CFH: variants seen among roughly 807,000 people sequenced by gnomAD.
CFH encodes the protein complement factor H, also known as H factor 1 (complement).
In CFH, 53 loss-of-function variants were observed where a neutral mutation model predicts 147.3. The ratio of observed to expected loss-of-function variants is 0.36; its 90% confidence interval spans 0.29 to 0.45. The LOEUF (loss-of-function observed/expected upper bound fraction) is 0.45, where lower values mean the gene tolerates loss of function less well. Among genes scored for constraint, CFH ranks in the 20% least tolerant of loss-of-function variants. The pLI is 1.00. For synonymous variants in CFH, 536 were observed against 489.4 expected (o/e 1.10, Z -1.26); for missense variants, 1,380 against 1,498.0 (o/e 0.92, Z 1.30).
intron 10 of CFH, among the ~76,000 whole-genome samples, chr1:196,715,191 T>A (rs1668839758): frequency 6.6e-6 from 1 of 152,056 alleles, no homozygotes. Context: ...ATATTTTCAG[T>A]CTTTTTCTCC....
At chr1:196,666,370 T>C (rs1019086374) in intron 1 of CFH, among the ~76,000 whole-genome samples, 1 of 151,664 alleles carries the variant, frequency 6.6e-6, no homozygotes, top group African/African-American at 2.4e-5. Flanking sequence ...TCGAGTTATA[T>C]TTTTTTCTCT....
At chr1:196,713,660 T>G in intron 9 of CFH, 75 bp from the exon 10 acceptor site, 3 of 951,902 alleles carry the variant, frequency 3.2e-6, no homozygotes, top group Non-Finnish European at 4.8e-6. Context: ...ATTTTTTATA[T>G]TTACATATTA....
At chr1:196,685,587 A>G (rs998016330) in intron 7 of CFH, among the ~76,000 whole-genome samples, 1 of 152,100 alleles carries the variant, frequency 6.6e-6, no homozygotes, top group East Asian at 1.9e-4. Context: ...ACTAACCTTT[A>G]TTATCTTACA....
intron 1 of CFH, among the ~76,000 whole-genome samples, chr1:196,671,885 A>G (rs1204729500): frequency 1.3e-5 from 2 of 149,824 alleles, no homozygotes; most frequent in African/African-American, 2.4e-5. Flanking sequence ...GAACATATAT[A>G]TAAGAGCTTT....
At chr1:196,668,812 A>G (rs547880668) in intron 1 of CFH, among the ~76,000 whole-genome samples, 6 of 152,182 alleles carry the variant, frequency 3.9e-5, no homozygotes, top group Non-Finnish European at 8.8e-5. Context: ...GTCTCAGGTA[A>G]TTCTTTATAG....
At chr1:196,742,986 G>A (rs460787) in intron 19 of CFH, among the ~76,000 whole-genome samples, 1 of 151,798 alleles carries the variant, frequency 6.6e-6, no homozygotes, top group South Asian at 2.1e-4. Context: ...TTGCTTATTC[G>A]CTAAGAAAAT....
chr1:196,672,617 G>A (rs1667321344), intron 1 of CFH, among the ~76,000 whole-genome samples: 1 of 152,132 alleles, frequency 6.6e-6, no homozygotes, highest in African/African-American at 2.4e-5. Context: ...TTATAACTTA[G>A]AATAGTGCTC....
intron 9 of CFH, among the ~76,000 whole-genome samples, chr1:196,708,337 G>T (rs1668643732): frequency 6.6e-6 from 1 of 152,028 alleles, no homozygotes; most frequent in South Asian, 2.1e-4. Flanking sequence ...TTCTTTCCAT[G>T]GCTACTTTCC....
Position 196,736,552 on chromosome 1 carries a change from A to G in CFH, c.2414-272A>G, listed in dbSNP as rs569940498. ...ATTACATAAATTATGCAAATTTATT[A>G]AACAAAGAATATATGAAAAAACTAC... On this transcript the variant is annotated intron_variant, in intron 15 of 21. Transcript: ENST00000367429. Among the ~76,000 whole-genome samples, 40 of 152,104 alleles carry G rather than the reference A, an allele frequency of 2.6e-4. 1 individual carries two copies. The South Asian group carries it at 4.1e-3, about 16-fold the overall frequency.
chr1:196,693,955 G>GGTGTGTGTGTGTGTGTGTGTGT (rs71567586), intron 9 of CFH, among the ~76,000 whole-genome samples: 3 of 142,656 alleles, frequency 2.1e-5, no homozygotes, highest in African/African-American at 7.9e-5. Flanking sequence ...TTAGATAAAT[G>GGTGTGTGTGTGTGTGTGTGTGT]GTGTGTGTGT....
intron 15 of CFH, among the ~76,000 whole-genome samples, chr1:196,734,083 G>T (rs949469535): frequency 3.9e-5 from 6 of 152,000 alleles, no homozygotes; most frequent in African/African-American, 1.4e-4. Context: ...CAAAACACAG[G>T]ATGCTTTATG....
chr1:196,656,690 T>TG (rs1666703582), intron 1 of CFH, among the ~76,000 whole-genome samples: 1 of 151,736 alleles, frequency 6.6e-6, no homozygotes, highest in Non-Finnish European at 1.5e-5. Flanking sequence ...TGTTGCGTTT[T>TG]TTTTTTTTTT....
At chr1:196,657,334 G>A (rs746876880) in intron 1 of CFH, among the ~76,000 whole-genome samples, 1 of 152,010 alleles carries the variant, frequency 6.6e-6, no homozygotes, top group African/African-American at 2.4e-5. Context: ...AAGCTAATTA[G>A]ATCATATCGT....
Position 196,673,849 on chromosome 1 carries a change from C to G in CFH, c.245-8C>G. The G allele has an allele frequency of 6.6e-7, 1 of 1,510,852 alleles. No homozygotes were observed. The highest frequency in any genetic ancestry group is 9.0e-7 in the Non-Finnish European group (1 of 1,105,246). The allele number at this position is 1,510,852 out of a possible 1,614,324, so 93.6% of individuals were successfully genotyped here. On this transcript the variant is annotated splice_region_variant and splice_polypyrimidine_tract_variant and intron_variant, in intron 2 of 21. Transcript: ENST00000367429. Reference sequence around the variant, plus strand: ...CATACTAATTCATAACTTTTTTTTTCGTTTTAGAAAGGCCCTGTGGACATC... The same window carrying G: ...CATACTAATTCATAACTTTTTTTTTGGTTTTAGAAAGGCCCTGTGGACATC...
At chr1:196,732,945 A>G (rs1479202102) in intron 15 of CFH, among the ~76,000 whole-genome samples, 3 of 152,062 alleles carry the variant, frequency 2.0e-5, no homozygotes, top group African/African-American at 7.2e-5. Flanking sequence ...CTGAAGAGGT[A>G]TCTGCTTGAA....
chr1:196,661,625 A>T (rs1666909136), intron 1 of CFH, among the ~76,000 whole-genome samples: 3 of 152,168 alleles, frequency 2.0e-5, no homozygotes, highest in Non-Finnish European at 2.9e-5. Context: ...TCACGACCTA[A>T]TCACTTCCCA....
Position 196,737,014 on chromosome 1 carries a change from G to T in CFH, c.2596+8G>T, listed in dbSNP as rs375176505. 3.0e-5 allele frequency: 48 copies of T among 1,605,510 alleles called. No individual in the cohort carries two copies. The highest frequency in any genetic ancestry group is 3.3e-4 in the Middle Eastern group (2 of 6,024). On this transcript the variant is annotated splice_region_variant and intron_variant, in intron 16 of 21. Transcript: ENST00000367429. ...CAATACCACTCTGTGTTGGTCAGTA[G>T]TGTATAATTTGTTTTACATAATTCT...
chr1:196,746,771 A>G (rs1348437361), intron 21 of CFH, among the ~76,000 whole-genome samples: 1 of 152,204 alleles, frequency 6.6e-6, no homozygotes, highest in East Asian at 1.9e-4. Flanking sequence ...CCAAGTTCTT[A>G]TTCATATTAT....
rs1172202625 is a variant in CFH at position 196,726,479 on chromosome 1, A to G, written c.1883A>G (p.Gln628Arg). 2.5e-6 allele frequency: 4 copies of G among 1,609,700 alleles called. No individual in the cohort carries two copies. The highest frequency in any genetic ancestry group is 3.4e-6 in the Non-Finnish European group (4 of 1,176,496). ...AGTATTTCTACTATAGAGCAAGTAC[A>G]ATCATGTGGTCCACCTCCTGAACTC... The part of the protein sequence containing the change: ...PDLPICKEQV[Q>R]SCGPPPELLN... The change falls in exon 13 of 22, where the codon CAA becomes CGA. Residue 628 changes from glutamine to arginine, a missense_variant. Gln to Arg is a conservative substitution (Grantham distance 43, BLOSUM62 1). Coordinates refer to ENST00000367429, the MANE Select transcript of CFH (RefSeq NM_000186.4).
Sources: allele counts gnomAD v4.1 joint callset (sites outside exome capture counted in the v4.1 genomes callset), GRCh38; gene constraint gnomAD v4.1.1; transcripts MANE v1.5; gene names NCBI Gene and HGNC (gene_info 2026-07-23, HGNC 2026-07-21).